Variants in PKNOX2 observed in about 807,000 individuals in gnomAD.
The protein encoded by PKNOX2 is homeobox protein PKNOX2.
A neutral mutation model predicts 53.1 loss-of-function variants in PKNOX2; 14 were observed. The observed-to-expected ratio is 0.26, with a 90% confidence interval of 0.17 to 0.41. The LOEUF (loss-of-function observed/expected upper bound fraction) is 0.41, where lower values mean the gene tolerates loss of function less well. PKNOX2 is among the 10% of genes least tolerant of loss of function. PKNOX2 has a pLI of 1.00. For synonymous variants in PKNOX2, 257 were observed against 242.8 expected, an observed-to-expected ratio of 1.06 and a Z score of -0.54; for missense variants, 496 against 602.8, an observed-to-expected ratio of 0.82 and a Z score of 1.85.
chr11:125,269,543 A>G (rs1012940400), intron 2 of PKNOX2, among the ~76,000 whole-genome samples: 2 of 152,228 alleles, frequency 1.3e-5, no homozygotes, highest in African/African-American at 2.4e-5. Flanking sequence ...GACTGCTGAC[A>G]CTGGCAGAGG....
rs1052713063 is a variant in PKNOX2, at chr11:125,262,222, G to C, written c.-130+27107G>C. Among the ~76,000 whole-genome samples the C allele has an allele frequency of 1.8e-4, 28 of 152,256 alleles. No homozygotes were observed. In the South Asian group the frequency reaches 4.8e-3, roughly 26 times the overall value. On this transcript the variant is annotated intron_variant, in intron 2 of 12. Transcript: ENST00000298282. The stretch of plus-strand genomic sequence containing the variant: ...AGTGAGACAGTGGAGGCGGCGGTGG[G>C]GGGGTGGTTCTTTATGCAGCTGCGT...
chr11:125,389,546 G>C (rs868604706), intron 6 of PKNOX2, among the ~76,000 whole-genome samples: 1 of 152,056 alleles, frequency 6.6e-6, no homozygotes, highest in Non-Finnish European at 1.5e-5. Context: ...TCCCATAGCC[G>C]CAGGGGCTCA....
chr11:125,173,086 C>G lies in PKNOX2; in HGVS notation c.-201+8310C>G, dbSNP rs569892949. 1.4e-4 allele frequency among the ~76,000 whole-genome samples: 22 copies of G among 152,310 alleles called. No individual in the cohort carries two copies. The East Asian group carries it at 4.2e-3, about 29-fold the overall frequency. On this transcript the variant is annotated intron_variant, in intron 1 of 12. Coordinates refer to ENST00000298282, the MANE Select transcript of PKNOX2 (RefSeq NM_001382323.2). ...CTAAGCAGTGTGCACATCACTTAAC[C>G]CCTCTGAGCCTCCGTTTTCTTGGCT...
intron 1 of PKNOX2, among the ~76,000 whole-genome samples, chr11:125,196,962 C>A (rs1313725633): frequency 6.6e-6 from 1 of 152,164 alleles, no homozygotes; most frequent in African/African-American, 2.4e-5. Flanking sequence ...CTGGATTTTA[C>A]CCTATTGGGT....
At chr11:125,339,136 G>A (rs1227770044) in intron 3 of PKNOX2, among the ~76,000 whole-genome samples, 4 of 152,168 alleles carry the variant, frequency 2.6e-5, no homozygotes, top group African/African-American at 7.2e-5. Flanking sequence ...TGAAGGGGAC[G>A]GGACCTGGCA....
chr11:125,310,044 A>C (rs997754153), intron 2 of PKNOX2, among the ~76,000 whole-genome samples: 2 of 152,200 alleles, frequency 1.3e-5, no homozygotes, highest in African/African-American at 4.8e-5. Context: ...AGACTTTGTC[A>C]TACTGCTTAC....
intron 2 of PKNOX2, among the ~76,000 whole-genome samples, chr11:125,242,670 A>G (rs1943252944): frequency 1.3e-5 from 2 of 148,650 alleles, no homozygotes; most frequent in South Asian, 2.1e-4. Context: ...GGATGGGGGG[A>G]GGGCGGGTTG....
intron 2 of PKNOX2, among the ~76,000 whole-genome samples, chr11:125,299,833 G>A (rs1947913137): frequency 6.6e-6 from 1 of 151,974 alleles, no homozygotes. Context: ...TTCTGAGCCA[G>A]AAGCGACCGT....
At chr11:125,418,674 G>A (rs775100784) in intron 10 of PKNOX2, among the ~76,000 whole-genome samples, 6 of 151,972 alleles carry the variant, frequency 3.9e-5, no homozygotes, top group South Asian at 2.1e-4. Flanking sequence ...CCTCCCCTGC[G>A]CAGAGCATTG....
In PKNOX2 at chr11:125,380,164, G is replaced by A. The variant is rs148889153; in HGVS notation, c.228-5387G>A. ...GCGCCCGCCCTCCCGGCACCCAGGC[G>A]GAGGCGCAGAGCTGAATGTGCTAAA... On this transcript the variant is annotated intron_variant, in intron 5 of 12. Transcript: ENST00000298282. Among the ~76,000 whole-genome samples the A allele has an allele frequency of 6.6e-5, 10 of 152,308 alleles. No homozygotes were observed. The East Asian group carries it at 1.7e-3, about 26-fold the overall frequency.
At chr11:125,168,888 A>G (rs1565460217) in intron 1 of PKNOX2, among the ~76,000 whole-genome samples, 1 of 152,234 alleles carries the variant, frequency 6.6e-6, no homozygotes, top group Non-Finnish European at 1.5e-5. Context: ...GGCTTCCAAC[A>G]TGTTGCAAGA....
At chr11:125,171,435 T>A (rs1426266330) in intron 1 of PKNOX2, among the ~76,000 whole-genome samples, 2 of 152,230 alleles carry the variant, frequency 1.3e-5, no homozygotes, top group Non-Finnish European at 2.9e-5. Context: ...AAACTTCATT[T>A]AGAGCCTAGC....
At chr11:125,267,631 G>A (rs972765038) in intron 2 of PKNOX2, among the ~76,000 whole-genome samples, 3 of 152,164 alleles carry the variant, frequency 2.0e-5, no homozygotes, top group Non-Finnish European at 2.9e-5. Flanking sequence ...ATCTCCCAGC[G>A]CCAGACTGAT....
chr11:125,393,122 T>A (rs1954174586), intron 6 of PKNOX2, among the ~76,000 whole-genome samples: 1 of 144,054 alleles, frequency 6.9e-6, no homozygotes, highest in African/African-American at 2.6e-5. Context: ...ATCGCGCCAC[T>A]GCACTCCAGC....
At chr11:125,366,936 G>C (rs1194006047) in intron 4 of PKNOX2, among the ~76,000 whole-genome samples, 2 of 152,344 alleles carry the variant, frequency 1.3e-5, no homozygotes, top group East Asian at 3.9e-4. Context: ...CAAGGCCTCA[G>C]AGGAGAAGAC....
intron 5 of PKNOX2, among the ~76,000 whole-genome samples, chr11:125,369,983 T>C (rs1952439005): frequency 6.6e-6 from 1 of 152,162 alleles, no homozygotes; most frequent in Non-Finnish European, 1.5e-5. Flanking sequence ...GGACTCAATC[T>C]GCATTTTCAC....
intron 2 of PKNOX2, among the ~76,000 whole-genome samples, chr11:125,303,944 A>G (rs1948247882): frequency 6.6e-6 from 1 of 152,204 alleles, no homozygotes; most frequent in African/African-American, 2.4e-5. Flanking sequence ...CCCCAGCTAG[A>G]TGCATGGCCG....
chr11:125,250,593 G>A (rs1943923844), intron 2 of PKNOX2, among the ~76,000 whole-genome samples: 1 of 152,184 alleles, frequency 6.6e-6, no homozygotes, highest in Non-Finnish European at 1.5e-5. Flanking sequence ...CACTCCCTGG[G>A]GAAAACAGAG....
Position 125,371,643 on chromosome 11 carries a change from G to T in PKNOX2, c.227+3658G>T, listed in dbSNP as rs949505707. Among the ~76,000 whole-genome samples the T allele has an allele frequency of 3.2e-4, 49 of 152,190 alleles. 1 individual carries two copies. Among genetic ancestry groups the T allele is most frequent in the African/African-American group, 1.2e-3 (48 of 41,542 alleles). On this transcript the variant is annotated intron_variant, in intron 5 of 12. Coordinates refer to ENST00000298282, the MANE Select transcript of PKNOX2 (RefSeq NM_001382323.2). ...AGGGGCAGGAGCTAGGCCTGGCCAG[G>T]TGCGGGTGGGGGAGGAGGTTGGCTT...
Sources: allele counts gnomAD v4.1 joint callset (sites outside exome capture counted in the v4.1 genomes callset), GRCh38; gene constraint gnomAD v4.1.1; transcripts MANE v1.5; gene names NCBI Gene and HGNC (gene_info 2026-07-23, HGNC 2026-07-21).